The following CAPRIN1 variants were observed in gnomAD, a reference collection of about 807,000 sequenced individuals.
CAPRIN1 encodes caprin-1.
Under a neutral mutation model 100.9 loss-of-function variants are expected in CAPRIN1, and 29 were observed. That is an observed-to-expected ratio of 0.29 (90% CI 0.21 to 0.39). The LOEUF (loss-of-function observed/expected upper bound fraction) is 0.39, where lower values mean the gene tolerates loss of function less well. CAPRIN1 is among the 10% of genes least tolerant of loss of function. The pLI, the probability that CAPRIN1 is intolerant of heterozygous loss-of-function variation, is 1.00. For synonymous variants in CAPRIN1, 338 were observed against 307.5 expected, an observed-to-expected ratio of 1.10 and a Z score of -1.04; for missense variants, 795 against 876.7, an observed-to-expected ratio of 0.91 and a Z score of 1.18.
Position 34,099,530 on chromosome 11 carries a change from A to G in CAPRIN1, c.*163A>G, listed in dbSNP as rs1283887833. The G allele has an allele frequency of 1.1e-5, 7 of 637,036 alleles. No individual in the cohort carries two copies. The highest frequency in any genetic ancestry group is 2.7e-5 in the East Asian group (1 of 36,426). 39.5% of individuals were successfully genotyped at this position (637,036 alleles called of 1,614,324 possible). ...ACAGGACTACAATTGTCAGCTTTCT[A>G]TTACCTGGATATGGAAGGAAACTAT... On this transcript the variant is annotated 3_prime_UTR_variant, in exon 19 of 19. Transcript: ENST00000341394.
intron 11 of CAPRIN1, among the ~76,000 whole-genome samples, chr11:34,088,287 G>A (rs1164222616): frequency 6.6e-6 from 1 of 152,166 alleles, no homozygotes; most frequent in African/African-American, 2.4e-5. Flanking sequence ...ACAAGCATGA[G>A]CCACTGTGCC....
intron 17 of CAPRIN1, among the ~76,000 whole-genome samples, 153 bp from the exon 18 acceptor site, chr11:34,097,545 A>G (rs1851390773): frequency 6.6e-6 from 1 of 152,262 alleles, no homozygotes; most frequent in Admixed American, 6.5e-5. Context: ...TAGAAGTACA[A>G]CAATTACAGA....
intron 6 of CAPRIN1, among the ~76,000 whole-genome samples, 172 bp from the exon 7 acceptor site, chr11:34,079,456 C>T (rs1378068522): frequency 2.0e-5 from 3 of 151,952 alleles, no homozygotes; most frequent in African/African-American, 7.3e-5. Context: ...CTTCTTGTTC[C>T]CTATCATTCT....
chr11:34,092,183 T>C (rs1278674920), intron 15 of CAPRIN1, 127 bp downstream of exon 15: 4 of 833,622 alleles, frequency 4.8e-6, no homozygotes, highest in Non-Finnish European at 7.0e-6. Context: ...ACCATATGAA[T>C]TTTTCATTTC....
chr11:34,096,580 C>G lies in CAPRIN1; in HGVS notation c.1807C>G (p.Pro603Ala). The part of the protein sequence containing the change: ...QNTGFPRSNQ[P>A]YYNSRGVSRG... ...CACTGGATTTCCACGTAGCAATCAG[C>G]CCTATTACAATAGTCGTGGTGTGTC... is the stretch of plus-strand genomic sequence containing the variant. The change falls in exon 16 of 19, where the codon CCC becomes GCC. Residue 603 changes from proline to alanine, a missense_variant. By Grantham distance (27) the Pro-to-Ala change is conservative. Around this residue, in one of 3 missense-constraint regions of CAPRIN1, gnomAD observed 648 missense variants for 697.9 expected, o/e 0.93. Coordinates refer to ENST00000341394, the MANE Select transcript of CAPRIN1 (RefSeq NM_005898.5). 6.2e-7 allele frequency: 1 copy of G among 1,614,006 alleles called. No homozygotes were observed. Among genetic ancestry groups the G allele is most frequent in the South Asian group, 1.1e-5 (1 of 91,072 alleles).
intron 4 of CAPRIN1, among the ~76,000 whole-genome samples, chr11:34,073,288 G>T (rs1046078317): frequency 6.6e-6 from 1 of 152,104 alleles, no homozygotes; most frequent in African/African-American, 2.4e-5. Flanking sequence ...ATTAGTCAAG[G>T]TTTTCCAGAG....
intron 11 of CAPRIN1, among the ~76,000 whole-genome samples, chr11:34,087,554 C>T (rs928635112): frequency 4.9e-5 from 6 of 123,026 alleles, no homozygotes; most frequent in African/African-American, 1.3e-4. Flanking sequence ...GGGATGGTCT[C>T]GATCTCCTGA....
chr11:34,092,386 T>C (rs528505936), intron 15 of CAPRIN1, among the ~76,000 whole-genome samples: 8 of 151,444 alleles, frequency 5.3e-5, no homozygotes, highest in Non-Finnish European at 1.0e-4. Context: ...AGATGGGGTC[T>C]CACTCTGTCA....
intron 4 of CAPRIN1, among the ~76,000 whole-genome samples, chr11:34,075,914 C>T (rs555021676): frequency 6.0e-4 from 92 of 152,246 alleles, no homozygotes; most frequent in South Asian, 1.4e-3. Context: ...CATGGTCAAT[C>T]GTATTTCATA....
At chr11:34,053,299 C>A in intron 2 of CAPRIN1, 1 of 279,680 alleles carries the variant, frequency 3.6e-6, no homozygotes, top group Non-Finnish European at 5.4e-6. Context: ...TTTAGGTGTC[C>A]CCCCGAGCCT....
intron 2 of CAPRIN1, among the ~76,000 whole-genome samples, chr11:34,065,991 A>G (rs1040923236): frequency 9.9e-5 from 15 of 152,124 alleles, no homozygotes; most frequent in Admixed American, 3.9e-4. Context: ...GATGACCTGT[A>G]GTTTCTTTTG....
chr11:34,090,570 A>T lies in CAPRIN1; in HGVS notation c.1446A>T (p.Ser482=). ...ATACAGACCAGACTACAGCATCATC[A>T]TCCCTTCCTGCTGCGTCTCAGCCTC... is the stretch of plus-strand genomic sequence containing the variant. ...SLNTDQTTAS[S]SLPAASQPQV... is the part of the protein sequence containing the mutation. The change falls in exon 14 of 19, where the codon TCA becomes TCT. Residue 482 remains serine (S), a synonymous_variant. Transcript: ENST00000341394. 2.5e-6 allele frequency: 4 copies of T among 1,614,174 alleles called. No individual in the cohort carries two copies. Among genetic ancestry groups the T allele is most frequent in the Non-Finnish European group, 3.4e-6 (4 of 1,180,014 alleles).
chr11:34,090,520 TG>T lies in CAPRIN1; in HGVS notation c.1405-8del, dbSNP rs1851241833. 1 of 1,608,728 alleles carries T rather than the reference TG, an allele frequency of 6.2e-7. No individual in the cohort carries two copies. Among genetic ancestry groups the T allele is most frequent in the East Asian group, 2.2e-5 (1 of 44,716 alleles). ...ACCGCTAAAGTGCATCTATTCACTT[TG>T]TGTTTAGGCAACAATCTCTTTAAAT... is the stretch of plus-strand genomic sequence containing the variant. On this transcript the variant is annotated splice_polypyrimidine_tract_variant and splice_region_variant and intron_variant, in intron 13 of 18. Coordinates refer to ENST00000341394, the MANE Select transcript of CAPRIN1 (RefSeq NM_005898.5).
chr11:34,052,942 C>T, intron 2 of CAPRIN1: 3 of 1,224,990 alleles, frequency 2.4e-6, no homozygotes, highest in South Asian at 1.8e-5. Context: ...AGGGTGGGGG[C>T]CTGTCGTCAG....
intron 11 of CAPRIN1, among the ~76,000 whole-genome samples, chr11:34,088,476 C>T (rs1174660867): frequency 6.6e-6 from 1 of 151,836 alleles, no homozygotes; most frequent in Non-Finnish European, 1.5e-5. Context: ...GCCTGAGCAA[C>T]ATAGACCTCG....
intron 17 of CAPRIN1, 41 bp downstream of exon 17, chr11:34,097,337 T>C: frequency 1.4e-6 from 2 of 1,415,766 alleles, no homozygotes; most frequent in Non-Finnish European, 1.0e-6. Flanking sequence ...GAACTAAATA[T>C]ACCAATGAAA....
chr11:34,056,391 G>T (rs1451706127), intron 2 of CAPRIN1: 1 of 152,150 alleles, frequency 6.6e-6, no homozygotes, highest in African/African-American at 2.4e-5. Flanking sequence ...AAAAAGCTAA[G>T]CATCTGCTCA....
chr11:34,052,408 T>C lies in CAPRIN1; in HGVS notation c.1-13T>C, dbSNP rs772392210. 6.2e-7 allele frequency: 1 copy of C among 1,602,948 alleles called. No homozygotes were observed. The highest frequency in any genetic ancestry group is 8.5e-7 in the Non-Finnish European group (1 of 1,175,682). On this transcript the variant is annotated splice_polypyrimidine_tract_variant and intron_variant, in intron 1 of 18. Transcript: ENST00000341394. Reference sequence around the variant, plus strand: ...TCCTCCCGCTTTTTCTTCTCTCTCCTTGCGGTCTGAAGATGCCCTCGGCCA... The same window carrying C: ...TCCTCCCGCTTTTTCTTCTCTCTCCCTGCGGTCTGAAGATGCCCTCGGCCA...
At chr11:34,059,660 A>G (rs532864591) in intron 2 of CAPRIN1, among the ~76,000 whole-genome samples, 26 of 152,340 alleles carry the variant, frequency 1.7e-4, no homozygotes, top group African/African-American at 5.8e-4. Context: ...TATATGCTGA[A>G]TAAGTACTTG....
Sources: allele counts gnomAD v4.1 joint callset (sites outside exome capture counted in the v4.1 genomes callset), GRCh38; gene constraint gnomAD v4.1.1; regional missense constraint gnomAD v4.1.1; transcripts MANE v1.5; gene names NCBI Gene and HGNC (gene_info 2026-07-23, HGNC 2026-07-21).